The following PLBD2 variants were observed in gnomAD, a reference collection of about 807,000 sequenced individuals.
PLBD2 encodes the protein putative aminopeptidase PLBD2.
In PLBD2, 51 loss-of-function variants were observed where a neutral mutation model predicts 68.3. The observed-to-expected ratio is 0.75, with a 90% CI of 0.60 to 0.94. The LOEUF (loss-of-function observed/expected upper bound fraction) is 0.94. PLBD2 is among the 40% of genes least tolerant of loss of function. The probability of loss-of-function intolerance (pLI) is 0.00; values close to 1 mark genes in which losing one functional copy is unlikely to be tolerated. For synonymous variants in PLBD2, 314 were observed against 339.3 expected, an observed-to-expected ratio of 0.93 and a Z score of 0.82; for missense variants, 729 against 792.2, an observed-to-expected ratio of 0.92 and a Z score of 0.96.
At chr12:113,380,390 C>T (rs1031841386) in intron 5 of PLBD2, among the ~76,000 whole-genome samples, 1 of 152,204 alleles carries the variant, frequency 6.6e-6, no homozygotes, top group African/African-American at 2.4e-5. Flanking sequence ...CTGCCTTGGC[C>T]TCCCAAAGTG....
Position 113,384,104 on chromosome 12 carries a change from GGT to G in PLBD2, c.959_960del (p.Val320AspfsTer55), listed in dbSNP as rs754905522. On this transcript the variant is annotated frameshift_variant and splice_region_variant, in exon 7 of 12. Transcript: ENST00000280800. This position sits in a 1 kb window ranked among gnomAD's most constrained non-coding sequence, Gnocchi z 4.2. ...CAGCAGCCCCCTTGACCTTCCCACA[GGT>G]GACACTGGAGACCACCATTGGCAAC... ...DDFYILGSGL[V>X]TLETTIGNKN... 1.2e-6 allele frequency: 2 copies of G among 1,604,810 alleles called. No homozygotes were observed. Among genetic ancestry groups the G allele is most frequent in the Non-Finnish European group, 1.7e-6 (2 of 1,174,184 alleles).
Position 113,372,643 on chromosome 12 carries a change from C to A in PLBD2, c.385-6C>A. ...GCCCTTGCCTCGCCCACCCCCTACC[C>A]CACAGCTCATCTACATGCACTGGAT... On this transcript the variant is annotated splice_polypyrimidine_tract_variant and splice_region_variant and intron_variant, in intron 2 of 11. Coordinates refer to ENST00000280800, the MANE Select transcript of PLBD2 (RefSeq NM_173542.4). The surrounding 1 kb of genome is among the most constrained non-coding windows in gnomAD (Gnocchi z 4.2). 4 of 1,613,064 alleles carry A rather than the reference C, an allele frequency of 2.5e-6. No homozygotes were observed. Among genetic ancestry groups the A allele is most frequent in the Non-Finnish European group, 8.5e-7 (1 of 1,179,344 alleles).
rs1312966553 is a variant in PLBD2 at position 113,374,460 on chromosome 12, G to A, written c.544-14G>A. ...GAGGCCTCACCCTCCCTCTGCCCCC[G>A]CCCCCTCCCCTAGGTGCGGCTGACC... On this transcript the variant is annotated splice_polypyrimidine_tract_variant and intron_variant, in intron 3 of 11. Transcript: ENST00000280800. 4.1e-6 allele frequency: 6 copies of A among 1,466,178 alleles called. No homozygotes were observed. The highest frequency in any genetic ancestry group is 2.4e-5 in the East Asian group (1 of 41,570). 90.8% of individuals were successfully genotyped at this position (1,466,178 alleles called of 1,614,324 possible).
intron 6 of PLBD2, among the ~76,000 whole-genome samples, chr12:113,383,174 G>A (rs1024847965): frequency 3.9e-5 from 6 of 152,202 alleles, no homozygotes; most frequent in African/African-American, 1.4e-4. Context: ...GGGAGACTGA[G>A]GGCCTCTCCT....
At chr12:113,365,344 C>CA (rs1229565729) in intron 1 of PLBD2, among the ~76,000 whole-genome samples, 2 of 146,986 alleles carry the variant, frequency 1.4e-5, no homozygotes, top group African/African-American at 5.0e-5. Flanking sequence ...TTTTTTTTGA[C>CA]AGAGTCTCAT....
chr12:113,374,940 G>A lies in PLBD2; in HGVS notation c.792G>A (p.Trp264Ter). Residue 264 changes from tryptophan to a stop codon, truncating the protein, a stop_gained, in exon 5 of 12, where the codon TGG (tryptophan) becomes TGA (stop). Transcript: ENST00000280800. LOFTEE classifies it high-confidence loss of function. ...QSDLLVAHNT[W>*]NNYQHMLRVI... ...ACCTCCTGGTTGCCCACAACACCTGGAACAACTACCAGCACATGCTGCGTG... is the reference window on the plus strand; with the variant it reads ...ACCTCCTGGTTGCCCACAACACCTGAAACAACTACCAGCACATGCTGCGTG... 1 of 1,614,124 alleles carries A rather than the reference G, an allele frequency of 6.2e-7. No individual in the cohort carries two copies. The highest frequency in any genetic ancestry group is 8.5e-7 in the Non-Finnish European group (1 of 1,180,028).
chr12:113,380,224 C>T (rs1258152094), intron 5 of PLBD2, among the ~76,000 whole-genome samples: 1 of 152,194 alleles, frequency 6.6e-6, no homozygotes, highest in Non-Finnish European at 1.5e-5. Context: ...GCAAGCTCTG[C>T]CTCCCGGGTT....
At chr12:113,385,310 G>C in intron 9 of PLBD2, 27 bp downstream of exon 9, 1 of 1,606,412 alleles carries the variant, frequency 6.2e-7, no homozygotes, top group Non-Finnish European at 8.5e-7. Flanking sequence ...TCCGCTCCCC[G>C]TCACCCTCCA....
chr12:113,372,690 C>T lies in PLBD2; in HGVS notation c.426C>T (p.Cys142=), dbSNP rs147597166. ...MHWMNTVVNY[C]GPFEYEVGYC... Reference sequence around the variant, plus strand: ...GGATGAACACGGTGGTGAATTACTGCGGCCCCTTCGAGTATGAAGTCGGCT... The same window carrying T: ...GGATGAACACGGTGGTGAATTACTGTGGCCCCTTCGAGTATGAAGTCGGCT... The change falls in exon 3 of 12, where the codon TGC becomes TGT. Residue 142 remains cysteine (C), a synonymous_variant. Coordinates refer to ENST00000280800, the MANE Select transcript of PLBD2 (RefSeq NM_173542.4). This position sits in a 1 kb window ranked among gnomAD's most constrained non-coding sequence, Gnocchi z 4.2. 1.9e-5 allele frequency: 30 copies of T among 1,613,852 alleles called. No homozygotes were observed. Among genetic ancestry groups the T allele is most frequent in the South Asian group, 7.7e-5 (7 of 91,086 alleles).
In PLBD2 at chr12:113,384,077, T is replaced by C; in HGVS notation, c.958-28T>C. On this transcript the variant is annotated intron_variant, in intron 6 of 11. Transcript: ENST00000280800. The surrounding 1 kb of genome is among the most constrained non-coding windows in gnomAD (Gnocchi z 4.2). ...ACTTGGTGGCAGCATGCCTAGGCTGTGCAGCAGCCCCCTTGACCTTCCCAC... is the reference window on the plus strand; with the variant it reads ...ACTTGGTGGCAGCATGCCTAGGCTGCGCAGCAGCCCCCTTGACCTTCCCAC... The C allele has an allele frequency of 6.4e-7, 1 of 1,566,964 alleles. No homozygotes were observed. Among genetic ancestry groups the C allele is most frequent in the Non-Finnish European group, 8.7e-7 (1 of 1,151,474 alleles).
At chr12:113,373,763 T>C (rs1957410924) in intron 3 of PLBD2, among the ~76,000 whole-genome samples, 1 of 118,140 alleles carries the variant, frequency 8.5e-6, no homozygotes, top group Admixed American at 1.2e-4. Context: ...ATCCATTCGC[T>C]CACTCACTCA....
At position 113,384,260 on chromosome 12, in the gene PLBD2, C is replaced by T. The variant is rs148649184; in HGVS notation, c.1113C>T (p.Ser371=). The change falls in exon 7 of 12, where the codon AGC becomes AGT. Residue 371 remains serine (S), a synonymous_variant. Transcript: ENST00000280800. The surrounding 1 kb of genome is among the most constrained non-coding windows in gnomAD (Gnocchi z 4.2). ...TWADIFKRFN[S]GTYNNQWMIV... is the part of the protein sequence containing the mutation. ...CAGACATCTTCAAGAGGTTCAACAG[C>T]GGCACGTGAGTGGGCTTCTGGCCCT... 111 of 1,609,468 alleles carry T rather than the reference C, an allele frequency of 6.9e-5. 1 individual carries two copies. The highest frequency in any genetic ancestry group is 6.2e-4 in the South Asian group (56 of 90,454).
chr12:113,377,751 C>T (rs1197541846), intron 5 of PLBD2, among the ~76,000 whole-genome samples: 1 of 152,180 alleles, frequency 6.6e-6, no homozygotes, highest in Non-Finnish European at 1.5e-5. Flanking sequence ...GTAGTGTGTG[C>T]TCATTTGTTC....
Position 113,374,545 on chromosome 12 carries a change from G to A in PLBD2, c.615G>A (p.Gly205=). 1.2e-6 allele frequency: 2 copies of A among 1,604,466 alleles called. No homozygotes were observed. The highest frequency in any genetic ancestry group is 1.7e-4 in the Middle Eastern group (1 of 6,040). ...SYEGRVSFPA[G]KFTIKPLGFL... Reference sequence around the variant, plus strand: ...AAGGCCGTGTGAGCTTCCCAGCTGGGAAGTTCACCATCAAACCCTTGGGGT... The same window carrying A: ...AAGGCCGTGTGAGCTTCCCAGCTGGAAAGTTCACCATCAAACCCTTGGGGT... Residue 205 remains glycine, a synonymous_variant, in exon 4 of 12, where the codon GGG becomes GGA. Transcript: ENST00000280800.
intron 6 of PLBD2, among the ~76,000 whole-genome samples, chr12:113,382,733 T>G (rs900020593): frequency 1.5e-4 from 23 of 152,016 alleles, no homozygotes; most frequent in Admixed American, 1.0e-3. Flanking sequence ...CCAGCCTTTT[T>G]TTTCCTCTTT....
chr12:113,381,787 C>T (rs1957492943), intron 6 of PLBD2, among the ~76,000 whole-genome samples: 1 of 151,456 alleles, frequency 6.6e-6, no homozygotes, highest in African/African-American at 2.4e-5. Flanking sequence ...GGCTGTTGGC[C>T]CTCTTCTCAG....
intron 5 of PLBD2, among the ~76,000 whole-genome samples, chr12:113,375,475 A>C (rs1410878193): frequency 6.6e-6 from 1 of 152,076 alleles, no homozygotes; most frequent in Non-Finnish European, 1.5e-5. Flanking sequence ...TTACATGTTT[A>C]TTGCCTTTTT....
chr12:113,380,596 A>G, intron 5 of PLBD2, 149 bp from the exon 6 acceptor site: 1 of 626,920 alleles, frequency 1.6e-6, no homozygotes. Flanking sequence ...ATGCCCAATG[A>G]CCTCATTTGC....
chr12:113,380,945 G>A, intron 6 of PLBD2, 103 bp downstream of exon 6: 1 of 1,139,630 alleles, frequency 8.8e-7, no homozygotes, highest in Non-Finnish European at 1.3e-6. Context: ...CCAGGCTGCA[G>A]CCCAGTGCTG....
Sources: gnomAD v4.1 joint callset for allele counts (sites outside exome capture counted in the v4.1 genomes callset) on GRCh38, gnomAD v4.1.1 for gene constraint, Gnocchi (gnomAD v3.1) non-coding constraint, MANE v1.5 for transcripts, NCBI Gene and HGNC (gene_info 2026-07-23, HGNC 2026-07-21) for gene names.